Variants in PDGFC observed in about 807,000 individuals in gnomAD.
PDGFC encodes the protein platelet-derived growth factor C.
PDGFC carries 12 observed loss-of-function variants against 35.5 expected under a neutral mutation model. The ratio of observed to expected loss-of-function variants is 0.34; its 90% confidence interval spans 0.22 to 0.55. The LOEUF is 0.55. Among genes scored for constraint, PDGFC ranks in the 20% least tolerant of loss-of-function variants. The probability of loss-of-function intolerance (pLI) is 0.91; values close to 1 mark genes in which losing one functional copy is unlikely to be tolerated. For missense variants in PDGFC, 322 were observed against 412.4 expected (o/e 0.78, Z 1.90); for synonymous variants, 159 against 148.8 (o/e 1.07, Z -0.50).
chr4:156,855,358 C>A (rs765127154), intron 1 of PDGFC, among the ~76,000 whole-genome samples: 7 of 152,100 alleles, frequency 4.6e-5, no homozygotes, highest in Non-Finnish European at 1.0e-4. Context: ...TAAAAATCAT[C>A]CATGTCTTTA....
At chr4:156,950,251 AG>A (rs1404133889) in intron 1 of PDGFC, among the ~76,000 whole-genome samples, 1 of 151,906 alleles carries the variant, frequency 6.6e-6, no homozygotes, top group East Asian at 1.9e-4. Flanking sequence ...CCTCCATTCC[AG>A]GATGAGGAAA....
At chr4:156,970,728 G>T in intron 1 of PDGFC, 58 bp downstream of exon 1, 1 of 1,073,722 alleles carries the variant, frequency 9.3e-7, no homozygotes, top group Non-Finnish European at 1.5e-6. Context: ...AACGCACAAT[G>T]CCAACGTTAA....
At chr4:156,787,483 T>C (rs1336862962) in intron 3 of PDGFC, among the ~76,000 whole-genome samples, 7 of 151,978 alleles carry the variant, frequency 4.6e-5, no homozygotes, top group East Asian at 1.9e-4. Context: ...AAGAGGGCAG[T>C]GAATGCAACA....
chr4:156,801,630 C>T (rs1278622425), intron 3 of PDGFC, among the ~76,000 whole-genome samples: 2 of 152,144 alleles, frequency 1.3e-5, no homozygotes, highest in African/African-American at 2.4e-5. Context: ...TAATATACTT[C>T]TGCAGTGTTT....
chr4:156,820,782 T>C (rs965418525), intron 2 of PDGFC, among the ~76,000 whole-genome samples: 2 of 152,116 alleles, frequency 1.3e-5, no homozygotes, highest in South Asian at 2.1e-4. Flanking sequence ...ACAACTTAGA[T>C]AAAAACTGGG....
At chr4:156,767,363 A>G (rs1730567070) in intron 5 of PDGFC, among the ~76,000 whole-genome samples, 1 of 152,108 alleles carries the variant, frequency 6.6e-6, no homozygotes, top group African/African-American at 2.4e-5. Flanking sequence ...TGTTGTCCCA[A>G]GTAGAAAAAT....
chr4:156,791,790 G>A (rs550679773), intron 3 of PDGFC, among the ~76,000 whole-genome samples: 3 of 152,196 alleles, frequency 2.0e-5, no homozygotes, highest in Admixed American at 6.5e-5. Flanking sequence ...ATTAGTTGTG[G>A]TAACCTTACA....
Position 156,850,397 on chromosome 4 carries a change from A to T in PDGFC, c.138T>A (p.His46Gln), listed in dbSNP as rs146333661. 2.9e-5 allele frequency: 46 copies of T among 1,592,978 alleles called. No homozygotes were observed. Among genetic ancestry groups the T allele is most frequent in the Non-Finnish European group, 3.8e-5 (45 of 1,168,984 alleles). ...KEQNGVQDPQ[H>Q]ERIITVSTNG... Reference sequence around the variant, plus strand: ...TAGTAGACACAGTAATAATTCTCTCATGCTGAGGATCTTGTACTCCTAAAG... The same window carrying T: ...TAGTAGACACAGTAATAATTCTCTCTTGCTGAGGATCTTGTACTCCTAAAG... Residue 46 changes from histidine to glutamine, a missense_variant, in exon 2 of 6, where the codon CAT becomes CAA. His to Gln is a conservative substitution (Grantham distance 24, BLOSUM62 0). Transcript: ENST00000502773.
rs17035427 is a variant in PDGFC at position 156,904,128 on chromosome 4, T to C, written c.119-53712A>G. Among the ~76,000 whole-genome samples the C allele has an allele frequency of 7.0e-3, 1,071 of 152,210 alleles. 14 individuals are homozygous for C. Among genetic ancestry groups the C allele is most frequent in the African/African-American group, 0.023 (973 of 41,562 alleles). On this transcript the variant is annotated intron_variant, in intron 1 of 5. Transcript: ENST00000502773. ...CAATTTACAGAAAAATTGGATTAAG[T>C]TGGGATTGAAATGGGATGAGGGAAA...
intron 2 of PDGFC, among the ~76,000 whole-genome samples, chr4:156,832,960 G>A (rs2111028576): frequency 6.6e-6 from 1 of 152,284 alleles, no homozygotes; most frequent in South Asian, 2.1e-4. Context: ...TATTTTGAGA[G>A]TTTGGTTCAT....
Position 156,902,221 on chromosome 4 carries a change from T to G in PDGFC, c.119-51805A>C, listed in dbSNP as rs1297552635. ...CATATCTTGTTATAAAATATATTTGTGATTTTTGTCATCAAATATTTCAAA... is the reference window on the plus strand; with the variant it reads ...CATATCTTGTTATAAAATATATTTGGGATTTTTGTCATCAAATATTTCAAA... On this transcript the variant is annotated intron_variant, in intron 1 of 5. Coordinates refer to ENST00000502773, the MANE Select transcript of PDGFC (RefSeq NM_016205.3). Among the ~76,000 whole-genome samples the G allele has an allele frequency of 2.0e-5, 3 of 152,232 alleles. No homozygotes were observed. The East Asian group carries it at 5.8e-4, about 29-fold the overall frequency.
intron 1 of PDGFC, among the ~76,000 whole-genome samples, chr4:156,885,929 A>G (rs1730366056): frequency 6.6e-6 from 1 of 152,140 alleles, no homozygotes; most frequent in Admixed American, 6.5e-5. Flanking sequence ...TATCCTCCCT[A>G]TTTACAACTT....
At chr4:156,784,087 A>T (rs868774647) in intron 3 of PDGFC, among the ~76,000 whole-genome samples, 4 of 152,248 alleles carry the variant, frequency 2.6e-5, no homozygotes, top group Admixed American at 6.5e-5. Flanking sequence ...CCAGCAGACA[A>T]CTGCAAACAT....
chr4:156,899,805 A>G (rs1313198618), intron 1 of PDGFC, among the ~76,000 whole-genome samples: 1 of 152,062 alleles, frequency 6.6e-6, no homozygotes, highest in Non-Finnish European at 1.5e-5. Flanking sequence ...ACAGAGTGAG[A>G]CTCCATCTCA....
At chr4:156,912,370 A>G (rs998574270) in intron 1 of PDGFC, among the ~76,000 whole-genome samples, 4 of 152,144 alleles carry the variant, frequency 2.6e-5, no homozygotes, top group Non-Finnish European at 5.9e-5. Context: ...CTGGTATATT[A>G]CATGCTCAAA....
At chr4:156,821,666 G>A (rs1004597385) in intron 2 of PDGFC, among the ~76,000 whole-genome samples, 1 of 152,152 alleles carries the variant, frequency 6.6e-6, no homozygotes, top group Non-Finnish European at 1.5e-5. Flanking sequence ...CGGTTCCTCA[G>A]CCTCTGGCGT....
At chr4:156,816,354 T>C (rs1036180957) in intron 2 of PDGFC, among the ~76,000 whole-genome samples, 1 of 152,158 alleles carries the variant, frequency 6.6e-6, no homozygotes, top group African/African-American at 2.4e-5. Flanking sequence ...CATTCTACAG[T>C]GTGTATTGGC....
At chr4:156,806,847 T>C (rs1047343596) in intron 3 of PDGFC, among the ~76,000 whole-genome samples, 1 of 152,070 alleles carries the variant, frequency 6.6e-6, no homozygotes, top group African/African-American at 2.4e-5. Flanking sequence ...TAATCTATTA[T>C]AAATTACTCC....
At chr4:156,773,745 T>C (rs549788648) in intron 3 of PDGFC, 134 of 152,318 alleles carry the variant, frequency 8.8e-4, no homozygotes, top group African/African-American at 3.2e-3. Flanking sequence ...GAGGATGTGA[T>C]TAAATTGGAA....
Sources: gnomAD v4.1 joint callset for allele counts (sites outside exome capture counted in the v4.1 genomes callset) on GRCh38, gnomAD v4.1.1 for gene constraint, MANE v1.5 for transcripts, NCBI Gene and HGNC (gene_info 2026-07-23, HGNC 2026-07-21) for gene names.